STARD9: variants seen among roughly 807,000 people sequenced by gnomAD.
STARD9 encodes the protein StAR related lipid transfer domain containing 9.
In STARD9, 346 loss-of-function variants were observed where a neutral mutation model predicts 399.8. That is an observed-to-expected ratio of 0.87 (90% CI 0.79 to 0.95). The LOEUF (loss-of-function observed/expected upper bound fraction) is 0.95, where lower values mean the gene tolerates loss of function less well. STARD9 is among the 40% of genes least tolerant of loss of function. The pLI is 0.00. For missense variants in STARD9, 5,832 were observed against 5,667.5 expected (o/e 1.03, Z -0.93); for synonymous variants, 2,203 against 2,143.5 (o/e 1.03, Z -0.77).
intron 7 of STARD9, among the ~76,000 whole-genome samples, chr15:42,640,333 C>A (rs1480569039): frequency 6.6e-6 from 1 of 152,232 alleles, no homozygotes; most frequent in Non-Finnish European, 1.5e-5. Context: ...GTGACTGATT[C>A]TGCTACCTAT....
chr15:42,613,504 G>A (rs1363015686), intron 3 of STARD9, among the ~76,000 whole-genome samples: 2 of 152,086 alleles, frequency 1.3e-5, no homozygotes, highest in African/African-American at 2.4e-5. Flanking sequence ...TCCTGAGCAA[G>A]TCCATTTATA....
chr15:42,629,890 T>A (rs566858356), intron 3 of STARD9: 1 of 152,264 alleles, frequency 6.6e-6, no homozygotes, highest in East Asian at 1.9e-4. Flanking sequence ...ATGGTTTTTG[T>A]CCTTCATTCT....
chr15:42,602,247 G>A (rs1434873383), intron 3 of STARD9, among the ~76,000 whole-genome samples: 1 of 152,194 alleles, frequency 6.6e-6, no homozygotes, highest in African/African-American at 2.4e-5. Context: ...ATGGCTGGGT[G>A]ACTTTATCTC....
intron 3 of STARD9, among the ~76,000 whole-genome samples, chr15:42,632,507 C>T (rs2059350653): frequency 6.6e-6 from 1 of 152,258 alleles, no homozygotes; most frequent in African/African-American, 2.4e-5. Context: ...TTTCTTCCCT[C>T]TTTCTTTTCT....
At chr15:42,620,183 A>C (rs571800240) in intron 3 of STARD9, among the ~76,000 whole-genome samples, 12 of 152,314 alleles carry the variant, frequency 7.9e-5, no homozygotes, top group African/African-American at 2.9e-4. Context: ...GCTGAGGCAA[A>C]ATAAGCAGAA....
intron 7 of STARD9, among the ~76,000 whole-genome samples, chr15:42,649,625 T>A (rs1183540155): frequency 6.6e-6 from 1 of 151,744 alleles, no homozygotes; most frequent in Non-Finnish European, 1.5e-5. Context: ...AATGGTGAGA[T>A]CTTAGCTCAC....
intron 3 of STARD9, among the ~76,000 whole-genome samples, chr15:42,630,518 G>T (rs2059312578): frequency 6.6e-6 from 1 of 152,060 alleles, no homozygotes; most frequent in Non-Finnish European, 1.5e-5. Context: ...ATTGGTATTA[G>T]TTCTTTAAAT....
intron 9 of STARD9, among the ~76,000 whole-genome samples, chr15:42,659,994 T>G (rs2059961845): frequency 1.3e-5 from 2 of 152,228 alleles, no homozygotes; most frequent in Admixed American, 1.3e-4. Context: ...AATGGATAAC[T>G]GTGGTATATC....
At chr15:42,697,771 A>G (rs932682278) in intron 26 of STARD9, among the ~76,000 whole-genome samples, 7 of 152,168 alleles carry the variant, frequency 4.6e-5, no homozygotes, top group Non-Finnish European at 1.0e-4. Context: ...CTATCCCATC[A>G]TATCTCCTTA....
chr15:42,624,535 A>G (rs756436476), intron 3 of STARD9, among the ~76,000 whole-genome samples: 6 of 147,420 alleles, frequency 4.1e-5, no homozygotes, highest in Non-Finnish European at 7.4e-5. Flanking sequence ...ATTTTTGTTT[A>G]TCACCATTTT....
chr15:42,575,790 A>G, intron 1 of STARD9, 28 bp downstream of exon 1: 1 of 1,535,824 alleles, frequency 6.5e-7, no homozygotes, highest in Non-Finnish European at 8.7e-7. Flanking sequence ...AGGGCGCCTG[A>G]GGCTTCACAG....
intron 7 of STARD9, among the ~76,000 whole-genome samples, chr15:42,639,915 GT>G (rs2059500269): frequency 6.6e-6 from 1 of 151,918 alleles, no homozygotes; most frequent in African/African-American, 2.4e-5. Flanking sequence ...CAGTATGCTA[GT>G]TTATTTTTTA....
At chr15:42,626,316 T>TCCC (rs1276098127) in intron 3 of STARD9, among the ~76,000 whole-genome samples, 1 of 150,978 alleles carries the variant, frequency 6.6e-6, no homozygotes, top group Non-Finnish European at 1.5e-5. Context: ...TTCCTCTTCC[T>TCCC]CTTCTTCCTC....
intron 26 of STARD9, among the ~76,000 whole-genome samples, chr15:42,707,468 C>CTTTT (rs544507849): frequency 3.0e-5 from 4 of 134,644 alleles, no homozygotes; most frequent in South Asian, 2.4e-4. Context: ...GAGTGAAAAA[C>CTTTT]TTTTTTTTTT....
chr15:42,616,382 C>T (rs1281167553), intron 3 of STARD9, among the ~76,000 whole-genome samples: 2 of 152,190 alleles, frequency 1.3e-5, no homozygotes, highest in South Asian at 2.1e-4. Context: ...AAAGTTTCTT[C>T]CACTGTAAAG....
chr15:42,585,685 A>G (rs1350296583), intron 3 of STARD9, 48 bp downstream of exon 3: 3 of 1,171,150 alleles, frequency 2.6e-6, no homozygotes, highest in Non-Finnish European at 3.7e-6. Context: ...TTTTTTATGT[A>G]TAATATTTAA....
Position 42,690,168 on chromosome 15 carries a change from G to T in STARD9, c.8590G>T (p.Val2864Phe). ...CATTCTGCCTGGAGCTCTGACAAGGGTTGCACTGGAAGCTCCCACACAGCA... is the reference window on the plus strand; with the variant it reads ...CATTCTGCCTGGAGCTCTGACAAGGTTTGCACTGGAAGCTCCCACACAGCA... ...DTILPGALTR[V>F]ALEAPTQQCV... Residue 2864 changes from valine (V) to phenylalanine (F), a missense_variant, in exon 23 of 33, where the codon GTT becomes TTT. Coordinates refer to ENST00000290607, the MANE Select transcript of STARD9 (RefSeq NM_020759.3). 2.6e-6 allele frequency: 4 copies of T among 1,537,824 alleles called. No homozygotes were observed. The highest frequency in any genetic ancestry group is 3.5e-6 in the Non-Finnish European group (4 of 1,147,048).
intron 3 of STARD9, among the ~76,000 whole-genome samples, chr15:42,621,618 AAC>A (rs2059095605): frequency 6.6e-6 from 1 of 152,182 alleles, no homozygotes; most frequent in South Asian, 2.1e-4. Flanking sequence ...TCTTCATTTG[AAC>A]ACAGTTTGAA....
chr15:42,583,323 C>A (rs1158046591), intron 1 of STARD9, 23 bp from the exon 2 acceptor site: 1 of 1,518,986 alleles, frequency 6.6e-7, no homozygotes, highest in Non-Finnish European at 8.8e-7. Flanking sequence ...AACATTTCTT[C>A]TGAGCTTGGG....
Sources: gnomAD v4.1 joint callset for allele counts (sites outside exome capture counted in the v4.1 genomes callset) on GRCh38, gnomAD v4.1.1 for gene constraint, MANE v1.5 for transcripts, NCBI Gene and HGNC (gene_info 2026-07-23, HGNC 2026-07-21) for gene names.